The following UBAC1 variants were observed in gnomAD, a reference collection of about 807,000 sequenced individuals.
UBAC1 encodes the protein ubiquitin-associated domain-containing protein 1.
UBAC1 carries 27 observed loss-of-function variants against 45.9 expected under a neutral mutation model. The ratio of observed to expected loss-of-function variants is 0.59; its 90% confidence interval spans 0.43 to 0.81. The LOEUF (loss-of-function observed/expected upper bound fraction) is 0.81, where lower values mean the gene tolerates loss of function less well. Among genes scored for constraint, UBAC1 ranks in the 30% least tolerant of loss-of-function variants. The pLI is 0.00. For synonymous variants in UBAC1, 227 were observed against 215.5 expected (o/e 1.05, Z -0.47); for missense variants, 529 against 539.2 (o/e 0.98, Z 0.19).
intron 6 of UBAC1, 157 bp from the exon 7 acceptor site, chr9:135,945,407 G>T: frequency 1.6e-6 from 1 of 640,686 alleles, no homozygotes; most frequent in Non-Finnish European, 2.6e-6. Flanking sequence ...CAGGTGCGAC[G>T]GAAGCGCTGG....
chr9:135,946,019 A>T, intron 5 of UBAC1, 22 bp from the exon 6 acceptor site: 1 of 1,605,054 alleles, frequency 6.2e-7, no homozygotes, highest in Non-Finnish European at 8.5e-7. Flanking sequence ...CGACAGGGCC[A>T]TGAGGGCTCC....
chr9:135,938,682 A>G lies in UBAC1; in HGVS notation c.964-322T>C, dbSNP rs149656592. ...CAGGAGTGTTGGGAAGGTGATTAACAAATGTACCAAGTGCCCAGCTTGCCT... is the reference window on the plus strand; with the variant it reads ...CAGGAGTGTTGGGAAGGTGATTAACGAATGTACCAAGTGCCCAGCTTGCCT... On this transcript the variant is annotated intron_variant, in intron 8 of 9. Transcript: ENST00000371756. 5.0e-3 allele frequency among the ~76,000 whole-genome samples: 767 copies of G among 152,368 alleles called. 11 individuals are homozygous for G. The highest frequency in any genetic ancestry group is 0.018 in the African/African-American group (739 of 41,592).
rs753923065 is a variant in UBAC1 at position 135,945,949 on chromosome 9, C to T, written c.593G>A (p.Arg198Gln). 1.7e-5 allele frequency: 28 copies of T among 1,613,926 alleles called. No individual in the cohort carries two copies. The highest frequency in any genetic ancestry group is 2.3e-5 in the Non-Finnish European group (27 of 1,180,048). Reference protein sequence around the residue: ...EDERVDEAALRQLTEMGFPEN... With the variant: ...EDERVDEAALQQLTEMGFPEN... ...CGGAAAGCCCATCTCCGTGAGCTGCCGCAGGGCAGCCTCGTCCACACGCTC... is the reference window on the plus strand; with the variant it reads ...CGGAAAGCCCATCTCCGTGAGCTGCTGCAGGGCAGCCTCGTCCACACGCTC... The change falls in exon 6 of 10, where the codon CGG becomes CAG. Residue 198 changes from arginine (R) to glutamine (Q), a missense_variant. Arg to Gln is a conservative substitution (Grantham distance 43). Coordinates refer to ENST00000371756, the MANE Select transcript of UBAC1 (RefSeq NM_016172.3).
Position 135,946,308 on chromosome 9 carries a change from G to C in UBAC1, c.505C>G (p.Leu169Val), listed in dbSNP as rs1369705995. The change falls in exon 5 of 10, where the codon CTG (leucine) becomes GTG (valine). Residue 169 changes from leucine (L) to valine (V), a missense_variant. Coordinates refer to ENST00000371756, the MANE Select transcript of UBAC1 (RefSeq NM_016172.3). ...LIEVAQKLLA[L>V]NPDAVELFKK... ...AACAATTCCACTGCATCTGGGTTCA[G>C]CGCTAACAGCTTCTGCGCCACCTCG... The C allele has an allele frequency of 1.2e-6, 2 of 1,614,014 alleles. No homozygotes were observed. Among genetic ancestry groups the C allele is most frequent in the South Asian group, 2.2e-5 (2 of 91,086 alleles).
intron 2 of UBAC1, among the ~76,000 whole-genome samples, chr9:135,954,212 G>A (rs894058936): frequency 7.3e-5 from 11 of 151,290 alleles, no homozygotes; most frequent in South Asian, 2.1e-4. Context: ...ATCCCAGCAC[G>A]AGGCAGGCGG....
chr9:135,956,424 G>A (rs7029100), intron 1 of UBAC1, among the ~76,000 whole-genome samples: 105,673 of 152,084 alleles, frequency 0.69, 36,821 homozygotes, highest in East Asian at 0.76. Flanking sequence ...GGGGCTAGGC[G>A]CGTCGGCTCA....
At chr9:135,947,460 C>A (rs1839352136) in intron 4 of UBAC1, 3 of 219,124 alleles carry the variant, frequency 1.4e-5, no homozygotes, top group Admixed American at 5.8e-5. Context: ...ATCATGTTGG[C>A]CAGGCTGGTC....
chr9:135,944,547 G>A (rs567577876), intron 7 of UBAC1, among the ~76,000 whole-genome samples: 14 of 152,324 alleles, frequency 9.2e-5, no homozygotes, highest in African/African-American at 2.6e-4. Context: ...ACACACAGGC[G>A]CAGGGACCCT....
intron 2 of UBAC1, among the ~76,000 whole-genome samples, chr9:135,954,438 T>G (rs1413259188): frequency 5.3e-5 from 8 of 152,188 alleles, no homozygotes; most frequent in Non-Finnish European, 1.2e-4. Context: ...AGCGACACCC[T>G]GTCTCAAAAG....
chr9:135,961,115 C>G lies in UBAC1; in HGVS notation c.48G>C (p.Leu16=). The part of the protein sequence containing the change: ...EKIFAGKVLR[L]HICASDGAEW... ...CGGCGCCGTCGGACGCGCAGATGTG[C>G]AGCCGCAGCACCTTGCCCGCGAAGA... The change falls in exon 1 of 10, where the codon CTG becomes CTC. Residue 16 remains leucine, a synonymous_variant. Coordinates refer to ENST00000371756, the MANE Select transcript of UBAC1 (RefSeq NM_016172.3). 2 of 1,590,978 alleles carry G rather than the reference C, an allele frequency of 1.3e-6. No homozygotes were observed. The highest frequency in any genetic ancestry group is 1.7e-6 in the Non-Finnish European group (2 of 1,173,606).
At chr9:135,940,642 G>C (rs1207947255) in intron 7 of UBAC1, among the ~76,000 whole-genome samples, 2 of 151,550 alleles carry the variant, frequency 1.3e-5, no homozygotes, top group Non-Finnish European at 2.9e-5. Context: ...CAAAACTTAA[G>C]CTACAACTGA....
chr9:135,939,499 A>G lies in UBAC1; in HGVS notation c.963+174T>C, dbSNP rs376666512. 1.9e-4 allele frequency among the ~76,000 whole-genome samples: 26 copies of G among 139,684 alleles called. No homozygotes were observed. The East Asian group carries it at 4.3e-3, about 23-fold the overall frequency. 91.6% of individuals were successfully genotyped at this position (139,684 alleles called of 152,430 possible). A position where few individuals can be genotyped will look rare whatever the true frequency, so the allele number is the denominator to read the frequency against. ...CCCACACTCACTCACCACAGCCCACACTCACTCAGCCCACACTCACTCATC... is the reference window on the plus strand; with the variant it reads ...CCCACACTCACTCACCACAGCCCACGCTCACTCAGCCCACACTCACTCATC... On this transcript the variant is annotated intron_variant, in intron 8 of 9. Coordinates refer to ENST00000371756, the MANE Select transcript of UBAC1 (RefSeq NM_016172.3).
intron 1 of UBAC1, among the ~76,000 whole-genome samples, chr9:135,960,509 T>C (rs1839520388): frequency 6.6e-6 from 1 of 152,046 alleles, no homozygotes; most frequent in Non-Finnish European, 1.5e-5. Context: ...CAGCCGGCTC[T>C]GCGGGAAAGG....
chr9:135,948,562 C>T (rs1839367094), intron 3 of UBAC1, among the ~76,000 whole-genome samples: 2 of 152,390 alleles, frequency 1.3e-5, no homozygotes, highest in South Asian at 4.1e-4. Context: ...GCCATCCAGT[C>T]CTGCCGGCAA....
intron 9 of UBAC1, among the ~76,000 whole-genome samples, chr9:135,935,475 A>T (rs1839192426): frequency 1.3e-5 from 2 of 152,114 alleles, no homozygotes; most frequent in South Asian, 4.1e-4. Context: ...ACGAGACCCC[A>T]TCTCAACAAC....
intron 8 of UBAC1, among the ~76,000 whole-genome samples, 183 bp from the exon 9 acceptor site, chr9:135,938,543 G>A (rs943782619): frequency 2.6e-5 from 4 of 152,264 alleles, no homozygotes; most frequent in Non-Finnish European, 5.9e-5. Context: ...TGCCGTGCGT[G>A]TCAGACCAGG....
intron 3 of UBAC1, among the ~76,000 whole-genome samples, chr9:135,951,684 C>T (rs1053254842): frequency 1.3e-5 from 2 of 152,052 alleles, no homozygotes; most frequent in Non-Finnish European, 2.9e-5. Context: ...GTGGCACGCA[C>T]TTGTAACCCC....
At chr9:135,945,701 C>T (rs1839323000) in intron 6 of UBAC1, 188 bp downstream of exon 6, 9 of 595,246 alleles carry the variant, frequency 1.5e-5, no homozygotes, top group South Asian at 4.1e-5. Context: ...ATTTACACAA[C>T]GACTGTTCTG....
intron 5 of UBAC1, 22 bp from the exon 6 acceptor site, chr9:135,946,019 A>G (rs1021313079): frequency 1.4e-5 from 22 of 1,604,936 alleles, no homozygotes; most frequent in Admixed American, 1.3e-4. Flanking sequence ...CGACAGGGCC[A>G]TGAGGGCTCC....
Sources: gnomAD v4.1 joint callset for allele counts (sites outside exome capture counted in the v4.1 genomes callset) on GRCh38, gnomAD v4.1.1 for gene constraint, MANE v1.5 for transcripts, NCBI Gene and HGNC (gene_info 2026-07-23, HGNC 2026-07-21) for gene names.